PTPRF: variants seen among roughly 807,000 people sequenced by gnomAD.
PTPRF encodes protein tyrosine phosphatase receptor type F.
Under a neutral mutation model 201.8 loss-of-function variants are expected in PTPRF, and 59 were observed. The observed-to-expected ratio is 0.29, with a 90% CI of 0.24 to 0.36. The LOEUF (loss-of-function observed/expected upper bound fraction) is 0.36. PTPRF is among the 10% of genes least tolerant of loss of function. The pLI is 1.00. For synonymous variants in PTPRF, 1,088 were observed against 1,089.7 expected, an observed-to-expected ratio of 1.00 and a Z score of 0.03; for missense variants, 2,132 against 2,690.5, an observed-to-expected ratio of 0.79 and a Z score of 4.59.
intron 30 of PTPRF, 114 bp from the exon 31 acceptor site, chr1:43,620,340 C>A: frequency 6.5e-7 from 1 of 1,528,420 alleles, no homozygotes; most frequent in Non-Finnish European, 8.9e-7. Context: ...GTCAGCATGG[C>A]CTCAGGCGCC....
chr1:43,587,499 C>T (rs1305132878), intron 7 of PTPRF, among the ~76,000 whole-genome samples: 5 of 152,178 alleles, frequency 3.3e-5, no homozygotes, highest in Admixed American at 6.5e-5. Context: ...GACGTTGGAC[C>T]GGGAGGTCTC....
At chr1:43,550,686 C>T (rs912632858) in intron 3 of PTPRF, among the ~76,000 whole-genome samples, 8 of 152,208 alleles carry the variant, frequency 5.3e-5, no homozygotes, top group Non-Finnish European at 1.0e-4. Context: ...TAATCTCACA[C>T]GTGTGCATAA....
rs1658940090 is a variant in PTPRF at position 43,620,445 on chromosome 1, T to C, written c.5239-9T>C. 1.9e-6 allele frequency: 3 copies of C among 1,608,308 alleles called. No individual in the cohort carries two copies. Among genetic ancestry groups the C allele is most frequent in the Admixed American group, 3.3e-5 (2 of 59,724 alleles). ...ACCTGATTATGGGGGCCCGACCCTC[T>C]GTCCACAGGAGAAATGCCACCAGTA... On this transcript the variant is annotated splice_polypyrimidine_tract_variant and intron_variant, in intron 30 of 33. Coordinates refer to ENST00000359947, the MANE Select transcript of PTPRF (RefSeq NM_002840.5).
chr1:43,564,420 T>C (rs1295161205), intron 5 of PTPRF, among the ~76,000 whole-genome samples: 1 of 152,126 alleles, frequency 6.6e-6, no homozygotes, highest in African/African-American at 2.4e-5. Flanking sequence ...GGCGCACGTG[T>C]TTTGGCATAG....
intron 6 of PTPRF, among the ~76,000 whole-genome samples, chr1:43,574,409 A>G (rs538836430): frequency 4.1e-4 from 63 of 152,304 alleles, no homozygotes; most frequent in Non-Finnish European, 7.5e-4. Flanking sequence ...ATATTAGCAT[A>G]AATAACATTT....
chr1:43,588,058 A>C lies in PTPRF; in HGVS notation c.680-673A>C, dbSNP rs1649620792. Among the ~76,000 whole-genome samples, 1 of 152,136 alleles carries C rather than the reference A, an allele frequency of 6.6e-6. No individual in the cohort carries two copies. The highest frequency in any genetic ancestry group is 6.5e-5 in the Admixed American group (1 of 15,272). ...ATCGTCATGCCCATCCTGCCCGCAG[A>C]CCATGTCCCTGGCCTGCCCTGACCC... On this transcript the variant is annotated intron_variant, in intron 7 of 33. Transcript: ENST00000359947. The surrounding 1 kb of genome is among the most constrained non-coding windows in gnomAD (Gnocchi z 5.3).
chr1:43,605,137 C>G lies in PTPRF; in HGVS notation c.3136-53C>G. ...TATCCGTGCACTGTGCCTTGCAGCC[C>G]GTGGTAGGGAACCTCACCCAAAGGC... On this transcript the variant is annotated intron_variant, in intron 17 of 33. Transcript: ENST00000359947. 1.9e-6 allele frequency: 3 copies of G among 1,575,126 alleles called. No individual in the cohort carries two copies. In the South Asian group the frequency reaches 3.5e-5, roughly 19 times the overall value.
chr1:43,561,793 T>G (rs1645823610), intron 5 of PTPRF, among the ~76,000 whole-genome samples: 1 of 152,206 alleles, frequency 6.6e-6, no homozygotes, highest in Non-Finnish European at 1.5e-5. Context: ...TTATTAGCTG[T>G]GATCTGCCTT....
intron 6 of PTPRF, among the ~76,000 whole-genome samples, chr1:43,571,991 A>G (rs1038759482): frequency 1.3e-5 from 2 of 152,232 alleles, no homozygotes; most frequent in African/African-American, 4.8e-5. Flanking sequence ...TAAGGGCTTC[A>G]TGGAGCTCTT....
intron 21 of PTPRF, among the ~76,000 whole-genome samples, chr1:43,608,770 T>C (rs489328): frequency 0.99 from 150,950 of 152,334 alleles, 74,789 homozygotes; most frequent in East Asian, 1. Context: ...AATTCTTCTT[T>C]CCGAAGCACA....
intron 2 of PTPRF, among the ~76,000 whole-genome samples, chr1:43,541,218 TG>T (rs1644341996): frequency 6.6e-6 from 1 of 152,234 alleles, no homozygotes; most frequent in Non-Finnish European, 1.5e-5. Flanking sequence ...AGGTGGTATT[TG>T]GAGACTAATT....
In PTPRF at chr1:43,531,009, A is replaced by G; in HGVS notation, c.-207A>G. ...CGGTGGCGGGAGCGGGACCAGGTGG[A>G]GGCGGCGGCGGCAGAGGAGTGGGAG... is the stretch of plus-strand genomic sequence containing the variant. On this transcript the variant is annotated 5_prime_UTR_variant, in exon 1 of 34. Coordinates refer to ENST00000359947, the MANE Select transcript of PTPRF (RefSeq NM_002840.5). 2 of 156,140 alleles carry G rather than the reference A, an allele frequency of 1.3e-5. No homozygotes were observed. The highest frequency in any genetic ancestry group is 1.7e-4 in the South Asian group (1 of 5,778). 9.7% of individuals were successfully genotyped at this position (156,140 alleles called of 1,614,324 possible).
intron 11 of PTPRF, 35 bp from the exon 12 acceptor site, chr1:43,597,713 C>T (rs1322100616): frequency 2.2e-6 from 3 of 1,351,550 alleles, no homozygotes; most frequent in South Asian, 1.3e-5. Flanking sequence ...CCCCACCCTC[C>T]ATCTGCTTGC....
intron 5 of PTPRF, among the ~76,000 whole-genome samples, chr1:43,565,283 C>G (rs577847734): frequency 6.6e-6 from 1 of 152,210 alleles, no homozygotes; most frequent in Non-Finnish European, 1.5e-5. Flanking sequence ...ACCCCCGACC[C>G]TCCCCTCGCT....
chr1:43,588,867 C>T lies in PTPRF; in HGVS notation c.816C>T (p.Leu272=), dbSNP rs1649869764. The T allele has an allele frequency of 1.9e-6, 3 of 1,614,058 alleles. No individual in the cohort carries two copies. The highest frequency in any genetic ancestry group is 2.5e-6 in the Non-Finnish European group (3 of 1,179,960). ...YVKWMMGAEE[L]TKEDEMPVGR... ...AGTGGATGATGGGGGCCGAGGAGCT[C>T]ACCAAGGAGGATGAGATGCCAGTTG... The change falls in exon 8 of 34, where the codon CTC becomes CTT. Residue 272 remains leucine (L), a synonymous_variant. Transcript: ENST00000359947. This position sits in a 1 kb window ranked among gnomAD's most constrained non-coding sequence, Gnocchi z 5.3.
At chr1:43,575,906 C>T (rs1340402007) in intron 6 of PTPRF, 1 of 1,363,724 alleles carries the variant, frequency 7.3e-7, no homozygotes. Flanking sequence ...AATTACCTCG[C>T]CAGGTGGTTC....
At chr1:43,606,768 G>C (rs544182799) in intron 20 of PTPRF, 46 bp from the exon 21 acceptor site, 4 of 1,597,598 alleles carry the variant, frequency 2.5e-6, no homozygotes, top group South Asian at 2.2e-5. Context: ...AGGGTGGGGG[G>C]TTCTCACGCT....
At chr1:43,600,250 C>G (rs1191806199) in intron 13 of PTPRF, among the ~76,000 whole-genome samples, 1 of 152,168 alleles carries the variant, frequency 6.6e-6, no homozygotes, top group Admixed American at 6.5e-5. Flanking sequence ...TCCCCTAGCC[C>G]CTCCTCTCTG....
chr1:43,591,720 A>C, intron 9 of PTPRF, 92 bp from the exon 10 acceptor site: 3 of 1,523,308 alleles, frequency 2.0e-6, no homozygotes, highest in Non-Finnish European at 2.7e-6. Flanking sequence ...TAAGGGTGTG[A>C]GGTTAGGACC....
Sources: gnomAD v4.1 joint callset for allele counts (sites outside exome capture counted in the v4.1 genomes callset) on GRCh38, gnomAD v4.1.1 for gene constraint, Gnocchi (gnomAD v3.1) non-coding constraint, MANE v1.5 for transcripts, NCBI Gene and HGNC (gene_info 2026-07-23, HGNC 2026-07-21) for gene names.